Variants in TBC1D32 observed in about 807,000 individuals in gnomAD.
TBC1D32 encodes TBC1 domain family member 32.
TBC1D32 carries 151 observed loss-of-function variants against 170.3 expected under a neutral mutation model. That is an observed-to-expected ratio of 0.89 (90% CI 0.78 to 1.01). TBC1D32 has a LOEUF of 1.01. Ranked by LOEUF, TBC1D32 falls within the 50% of genes least tolerant of loss-of-function variation. The probability of loss-of-function intolerance (pLI) is 0.00; values close to 1 mark genes in which losing one functional copy is unlikely to be tolerated. For missense variants in TBC1D32, 1,464 were observed against 1,457.1 expected (o/e 1.00, Z -0.08); for synonymous variants, 498 against 488.0 (o/e 1.02, Z -0.27).
intron 4 of TBC1D32, 38 bp downstream of exon 4, chr6:121,310,741 T>A: frequency 2.4e-6 from 3 of 1,276,238 alleles, no homozygotes; most frequent in Non-Finnish European, 3.3e-6. Flanking sequence ...TAAATGTATG[T>A]TATCTGCATG....
At chr6:121,289,254 C>G (rs1343653585) in intron 12 of TBC1D32, among the ~76,000 whole-genome samples, 1 of 152,134 alleles carries the variant, frequency 6.6e-6, no homozygotes, top group African/African-American at 2.4e-5. Flanking sequence ...ATCTAGAAAA[C>G]CCCATCATCT....
chr6:121,190,444 C>T (rs1180736398), intron 22 of TBC1D32, among the ~76,000 whole-genome samples: 4 of 148,468 alleles, frequency 2.7e-5, no homozygotes, highest in Non-Finnish European at 6.0e-5. Flanking sequence ...CACCCACTCT[C>T]TCTACCTCCA....
intron 15 of TBC1D32, among the ~76,000 whole-genome samples, chr6:121,260,599 T>C (rs891037071): frequency 6.6e-6 from 1 of 152,216 alleles, no homozygotes. Flanking sequence ...TGATTGAGCA[T>C]GCTACCCAGC....
At chr6:121,222,534 G>T (rs950075541) in intron 21 of TBC1D32, among the ~76,000 whole-genome samples, 3 of 151,360 alleles carry the variant, frequency 2.0e-5, no homozygotes, top group South Asian at 2.1e-4. Flanking sequence ...AAGTATTTAG[G>T]GTTAACAGGT....
chr6:121,132,271 T>C (rs1160334548), intron 24 of TBC1D32, among the ~76,000 whole-genome samples: 3 of 151,968 alleles, frequency 2.0e-5, no homozygotes, highest in Non-Finnish European at 4.4e-5. Flanking sequence ...ATTATTTAAA[T>C]TAAAGACACT....
chr6:121,313,677 T>C (rs904806468), intron 3 of TBC1D32, among the ~76,000 whole-genome samples: 4 of 152,154 alleles, frequency 2.6e-5, no homozygotes, highest in African/African-American at 9.7e-5. Flanking sequence ...TCCATCTTTT[T>C]GTGCTTACAA....
rs746413488 is a variant in TBC1D32, at chr6:121,317,606, C to T, written c.384G>A (p.Lys128=). 6.2e-7 allele frequency: 1 copy of T among 1,612,582 alleles called. No homozygotes were observed. Among genetic ancestry groups the T allele is most frequent in the Admixed American group, 1.7e-5 (1 of 59,844 alleles). Residue 128 remains lysine (K), a synonymous_variant, in exon 3 of 32, where the codon AAG becomes AAA. Coordinates refer to ENST00000398212, the MANE Select transcript of TBC1D32 (RefSeq NM_152730.6). ...GATTTCGTGTCTCATCTTCTTCAAA[C>T]TTGTTAATCATAGACTCGACCACAG... ...MIAVVESMIN[K]FEEDETRNQE... is the part of the protein sequence containing the mutation.
intron 12 of TBC1D32, among the ~76,000 whole-genome samples, chr6:121,291,564 A>C (rs1485979193): frequency 6.6e-6 from 1 of 152,198 alleles, no homozygotes; most frequent in Non-Finnish European, 1.5e-5. Context: ...GGAAAAAGTA[A>C]ATGAGACTTA....
intron 24 of TBC1D32, among the ~76,000 whole-genome samples, chr6:121,134,682 T>C (rs779502867): frequency 6.6e-6 from 1 of 152,122 alleles, no homozygotes; most frequent in African/African-American, 2.4e-5. Context: ...AAGTTAAAAA[T>C]ATGAAATGAT....
chr6:121,300,661 AT>A (rs1219919311), intron 9 of TBC1D32, among the ~76,000 whole-genome samples: 1 of 152,186 alleles, frequency 6.6e-6, no homozygotes, highest in Non-Finnish European at 1.5e-5. Flanking sequence ...ACCAAAAGCA[AT>A]GACAACAAAA....
At chr6:121,275,868 T>C (rs927830628) in intron 15 of TBC1D32, among the ~76,000 whole-genome samples, 3 of 152,124 alleles carry the variant, frequency 2.0e-5, no homozygotes, top group African/African-American at 7.2e-5. Flanking sequence ...CTGACACCTG[T>C]AATCCCAGCA....
At chr6:121,153,211 CA>C (rs1194373482) in intron 24 of TBC1D32, among the ~76,000 whole-genome samples, 2 of 151,940 alleles carry the variant, frequency 1.3e-5, no homozygotes, top group African/African-American at 4.8e-5. Flanking sequence ...ATGTTGATGC[CA>C]TTGCTTTCTG....
Position 121,147,883 on chromosome 6 carries a change from C to T in TBC1D32, c.2773+12127G>A, listed in dbSNP as rs560546866. ...CTGGGATTACAGGCGTGAGCCACCG[C>T]GCCCAGTCTCATATTATTTTTGTAA... On this transcript the variant is annotated intron_variant, in intron 24 of 31. Transcript: ENST00000398212. Among the ~76,000 whole-genome samples, 11 of 151,296 alleles carry T rather than the reference C, an allele frequency of 7.3e-5. No individual in the cohort carries two copies. The East Asian group carries it at 9.8e-4, about 13-fold the overall frequency.
chr6:121,171,436 A>G (rs9385187), intron 22 of TBC1D32, among the ~76,000 whole-genome samples: 108,874 of 151,620 alleles, frequency 0.72, 42,659 homozygotes, highest in Non-Finnish European at 0.87. Flanking sequence ...ATACGAGATG[A>G]GATGAGAAAA....
In TBC1D32 at chr6:121,239,740, G is replaced by A. The variant is rs1195045640; in HGVS notation, c.2246-552C>T. ...TTCAACCCAGTCTTTAAATTCTTAC[G>A]AGTCATACTATACAACTAAACGAAA... On this transcript the variant is annotated intron_variant, in intron 19 of 31. Transcript: ENST00000398212. Among the ~76,000 whole-genome samples, 4 of 151,892 alleles carry A rather than the reference G, an allele frequency of 2.6e-5. 1 individual carries two copies. Among genetic ancestry groups the A allele is most frequent in the Middle Eastern group, 6.8e-3 (2 of 294 alleles).
At chr6:121,261,594 A>G (rs1226397907) in intron 15 of TBC1D32, among the ~76,000 whole-genome samples, 1 of 152,226 alleles carries the variant, frequency 6.6e-6, no homozygotes, top group Non-Finnish European at 1.5e-5. Flanking sequence ...AGCATCAACT[A>G]AAAAAATCCT....
chr6:121,176,686 C>T (rs959740621), intron 22 of TBC1D32, among the ~76,000 whole-genome samples: 1 of 152,040 alleles, frequency 6.6e-6, no homozygotes, highest in South Asian at 2.1e-4. Flanking sequence ...GCAACCTCCA[C>T]CTCCCAGGTT....
intron 22 of TBC1D32, among the ~76,000 whole-genome samples, chr6:121,193,936 T>C (rs1007274754): frequency 6.6e-6 from 1 of 152,050 alleles, no homozygotes; most frequent in South Asian, 2.1e-4. Flanking sequence ...GTACCAACAA[T>C]CTAGGCTGTG....
chr6:121,089,402 G>A (rs567644952), intron 31 of TBC1D32, among the ~76,000 whole-genome samples: 1 of 152,212 alleles, frequency 6.6e-6, no homozygotes, highest in South Asian at 2.1e-4. Flanking sequence ...ACAGATAAGA[G>A]TACAGGAAAA....
Sources: allele counts gnomAD v4.1 joint callset (sites outside exome capture counted in the v4.1 genomes callset), GRCh38; gene constraint gnomAD v4.1.1; transcripts MANE v1.5; gene names NCBI Gene and HGNC (gene_info 2026-07-23, HGNC 2026-07-21).